KDM4B: variants seen among roughly 807,000 people sequenced by gnomAD.
KDM4B encodes the protein lysine demethylase 4B, also known as lysine-specific demethylase 4B.
Under a neutral mutation model 125.2 loss-of-function variants are expected in KDM4B, and 32 were observed. The ratio of observed to expected loss-of-function variants is 0.26; its 90% CI spans 0.19 to 0.34. The LOEUF (loss-of-function observed/expected upper bound fraction) is 0.34. Ranked by LOEUF, KDM4B falls within the 10% of genes least tolerant of loss-of-function variation. The pLI, the probability that KDM4B is intolerant of heterozygous loss-of-function variation, is 1.00. For synonymous variants in KDM4B, 721 were observed against 677.9 expected (o/e 1.06, Z -0.99); for missense variants, 1,190 against 1,577.7 (o/e 0.75, Z 4.16).
intron 20 of KDM4B, 59 bp downstream of exon 20, chr19:5,144,471 A>G (rs2039806077): frequency 9.2e-7 from 1 of 1,084,512 alleles, no homozygotes; most frequent in African/African-American, 1.7e-5. Context: ...GACAACCTGT[A>G]CCCTGAGAGC....
chr19:5,080,636 C>T (rs11673509), intron 8 of KDM4B: 14,147 of 152,276 alleles, frequency 0.093, 894 homozygotes, highest in East Asian at 0.25. Context: ...GAAAACCGTT[C>T]GGCATTTTCT....
At chr19:5,134,760 G>A (rs892270955) in intron 14 of KDM4B, among the ~76,000 whole-genome samples, 16 of 152,214 alleles carry the variant, frequency 1.1e-4, no homozygotes, top group African/African-American at 3.6e-4. Context: ...TGCGCCGGCC[G>A]GGTCTGGGTG....
At chr19:5,101,218 G>GT (rs1445819808) in intron 9 of KDM4B, among the ~76,000 whole-genome samples, 2 of 113,670 alleles carry the variant, frequency 1.8e-5, no homozygotes, top group African/African-American at 7.1e-5. Flanking sequence ...GCAAGACTCC[G>GT]TCTCAAAAAA....
At chr19:5,009,125 G>A (rs1256151425) in intron 1 of KDM4B, among the ~76,000 whole-genome samples, 1 of 151,826 alleles carries the variant, frequency 6.6e-6, no homozygotes, top group Non-Finnish European at 1.5e-5. Context: ...ATGTTGGTGA[G>A]GCTGGTCTCA....
chr19:5,093,626 C>G (rs530785915), intron 9 of KDM4B, among the ~76,000 whole-genome samples: 2 of 152,382 alleles, frequency 1.3e-5, no homozygotes, highest in South Asian at 4.1e-4. Flanking sequence ...GCGGGCGCCT[C>G]TGCCCCTTCC....
Position 5,144,389 on chromosome 19 carries a change from A to G in KDM4B, c.2878A>G (p.Asn960Asp). 6.4e-7 allele frequency: 1 copy of G among 1,565,376 alleles called. No homozygotes were observed. The highest frequency in any genetic ancestry group is 1.4e-5 in the African/African-American group (1 of 73,966). ...CTTCGACGATGGCTCCTACAGCGAC[A>G]ACCTGTACCCTGAGAGCATCACGGT... ...VNFDDGSYSD[N>D]LYPESITSRD... is the part of the protein sequence containing the mutation. The change falls in exon 20 of 23, where the codon AAC (asparagine) becomes GAC (aspartate). Residue 960 changes from asparagine to aspartate, a missense_variant. Transcript: ENST00000159111.
intron 9 of KDM4B, among the ~76,000 whole-genome samples, chr19:5,092,262 G>A (rs1447349309): frequency 3.3e-5 from 5 of 152,148 alleles, no homozygotes; most frequent in East Asian, 1.9e-4. Context: ...GGCACTGCAC[G>A]GTGCTGAGCA....
intron 18 of KDM4B, among the ~76,000 whole-genome samples, chr19:5,140,017 G>A (rs2039713768): frequency 6.6e-6 from 1 of 152,232 alleles, no homozygotes; most frequent in Non-Finnish European, 1.5e-5. Flanking sequence ...CGACCTCTCT[G>A]TGCCTCGGCC....
rs1421511995 is a variant in KDM4B at position 5,081,878 on chromosome 19, T to C, written c.781-489T>C. Among the ~76,000 whole-genome samples the C allele has an allele frequency of 6.6e-6, 1 of 152,190 alleles. No homozygotes were observed. Among genetic ancestry groups the C allele is most frequent in the Non-Finnish European group, 1.5e-5 (1 of 68,016 alleles). ...GTGCAGTGTCTTGTCTTCAGAGCAC[T>C]CTAAAGCTGCTGTCAGCACCACCCG... On this transcript the variant is annotated intron_variant, in intron 8 of 22. Transcript: ENST00000159111. The surrounding 1 kb of genome is among the most constrained non-coding windows in gnomAD (Gnocchi z 4.2).
At chr19:5,026,265 C>A (rs2036274476) in intron 2 of KDM4B, among the ~76,000 whole-genome samples, 1 of 148,270 alleles carries the variant, frequency 6.7e-6, no homozygotes, top group African/African-American at 2.5e-5. Flanking sequence ...AATCTGCAGA[C>A]CCTATGTGTG....
chr19:5,036,740 G>A (rs1216418957), intron 3 of KDM4B, among the ~76,000 whole-genome samples: 6 of 152,238 alleles, frequency 3.9e-5, no homozygotes, highest in African/African-American at 9.6e-5. Flanking sequence ...GGAATGTCCC[G>A]AGCGGCTTTC....
chr19:5,040,140 C>CGTG, intron 4 of KDM4B, 129 bp downstream of exon 4: 2 of 1,064,578 alleles, frequency 1.9e-6, no homozygotes, highest in Non-Finnish European at 2.6e-6. Flanking sequence ...CTGTGTGCCC[C>CGTG]GTGTGGGCTG....
intron 3 of KDM4B, 73 bp from the exon 4 acceptor site, chr19:5,039,763 G>A (rs1181764971): frequency 2.8e-5 from 42 of 1,524,096 alleles, no homozygotes; most frequent in African/African-American, 2.7e-5. Flanking sequence ...CTGGGGAGCC[G>A]GTGGCACAGT....
chr19:5,132,473 A>T (rs1033072311), intron 13 of KDM4B, among the ~76,000 whole-genome samples: 17 of 151,792 alleles, frequency 1.1e-4, no homozygotes, highest in Non-Finnish European at 2.2e-4. Flanking sequence ...TCGGCCTTTC[A>T]TTGGGGATGC....
Position 5,131,278 on chromosome 19 carries a change from T to TA in KDM4B, c.1520dup (p.Asn507LysfsTer6), listed in dbSNP as rs1192840149. ...AGGAGAGCCCCCTGCCGGCACCCCT[T>TA]AATGTCGTGCCCCCTGAGGTGCCCA... On this transcript the variant is annotated frameshift_variant, in exon 12 of 23. Transcript: ENST00000159111. LOFTEE classifies it high-confidence loss of function. 1 of 1,611,492 alleles carries TA rather than the reference T, an allele frequency of 6.2e-7. No homozygotes were observed. Among genetic ancestry groups the TA allele is most frequent in the Non-Finnish European group, 8.5e-7 (1 of 1,179,516 alleles).
intron 11 of KDM4B, among the ~76,000 whole-genome samples, chr19:5,125,854 G>T (rs1240664593): frequency 3.9e-5 from 6 of 152,044 alleles, no homozygotes; most frequent in Non-Finnish European, 7.4e-5. Context: ...TGGCAGGGGT[G>T]GGCGTTTTCT....
intron 1 of KDM4B, among the ~76,000 whole-genome samples, chr19:4,981,566 C>A (rs112697744): frequency 0.064 from 9,719 of 152,204 alleles, 935 homozygotes; most frequent in African/African-American, 0.2. Context: ...GCAGCCTCCA[C>A]CTGGACGTCC....
intron 11 of KDM4B, among the ~76,000 whole-genome samples, chr19:5,121,495 G>A (rs2039361028): frequency 6.6e-6 from 1 of 152,188 alleles, no homozygotes; most frequent in African/African-American, 2.4e-5. Flanking sequence ...ATCGAGCGGA[G>A]CTGCCAGAGA....
rs567679100 is a variant in KDM4B, at chr19:5,153,166, G to T, written c.*1655G>T. ...GGAGCAAGCCTTTCATTTCCTTGGT[G>T]GGGGAGGGGGGCGGTTGCCCTGGAG... On this transcript the variant is annotated 3_prime_UTR_variant, in exon 23 of 23. Transcript: ENST00000159111. The T allele has an allele frequency of 2.6e-5, 4 of 152,334 alleles. No individual in the cohort carries two copies. The highest frequency in any genetic ancestry group is 4.8e-5 in the African/African-American group (2 of 41,572). The allele number at this position is 152,334 out of a possible 1,614,324, so 9.4% of individuals were successfully genotyped here.
Sources: gnomAD v4.1 joint callset for allele counts (sites outside exome capture counted in the v4.1 genomes callset) on GRCh38, gnomAD v4.1.1 for gene constraint, Gnocchi (gnomAD v3.1) non-coding constraint, MANE v1.5 for transcripts, NCBI Gene and HGNC (gene_info 2026-07-23, HGNC 2026-07-21) for gene names.